The following DPH6 variants were observed in gnomAD, a reference collection of about 807,000 sequenced individuals.
DPH6 encodes diphthine--ammonia ligase.
In DPH6, 33 loss-of-function variants were observed where a neutral mutation model predicts 38.2. The ratio of observed to expected loss-of-function variants is 0.86; its 90% CI spans 0.65 to 1.15. The LOEUF (loss-of-function observed/expected upper bound fraction) is 1.15, where lower values mean the gene tolerates loss of function less well. Ranked by LOEUF, DPH6 falls within the 50% of genes most tolerant of loss-of-function variation. DPH6 has a pLI of 0.00. For missense variants in DPH6, 325 were observed against 320.0 expected, an observed-to-expected ratio of 1.02 and a Z score of -0.12; for synonymous variants, 108 against 103.0, an observed-to-expected ratio of 1.05 and a Z score of -0.30.
chr15:35,243,066 A>G lies in DPH6; in HGVS notation n.201-22484T>C, dbSNP rs1427922790. ...TAGGCACTCTCTAATTAGATGTCCT[A>G]GGTCCTCCCAATTCTTAGTCCTTTT... is the stretch of plus-strand genomic sequence containing the variant. On this transcript the variant is annotated intron_variant and non_coding_transcript_variant, in intron 3 of 3. Transcript: ENST00000560386. 6.3e-5 allele frequency among the ~76,000 whole-genome samples: 9 copies of G among 142,590 alleles called. 1 individual carries two copies. The highest frequency in any genetic ancestry group is 1.5e-4 in the Admixed American group (2 of 13,124). The allele number at this position is 142,590 out of a possible 152,430, so 93.5% of individuals were successfully genotyped here.
At position 35,412,161 on chromosome 15, in the gene DPH6, G is replaced by T. The variant is rs191198088; in HGVS notation, c.506-1265C>A. On this transcript the variant is annotated intron_variant, in intron 5 of 8. Transcript: ENST00000256538. ...AAGAACTCTTAAAACTCAACAATAAGCAAACAACAATCCAATTTAAAAATG... is the reference window on the plus strand; with the variant it reads ...AAGAACTCTTAAAACTCAACAATAATCAAACAACAATCCAATTTAAAAATG... Among the ~76,000 whole-genome samples, 51 of 151,612 alleles carry T rather than the reference G, an allele frequency of 3.4e-4. 1 individual carries two copies. In the East Asian group the frequency reaches 7.2e-3, roughly 21 times the overall value.
intron 5 of DPH6, 65 bp downstream of exon 5, chr15:35,450,620 C>T (rs935976477): frequency 1.6e-6 from 2 of 1,283,516 alleles, no homozygotes; most frequent in Non-Finnish European, 2.2e-6. Flanking sequence ...ATTTTAACTA[C>T]TTATTAGTGA....
intron 6 of DPH6, among the ~76,000 whole-genome samples, chr15:35,391,915 A>T (rs2053064684): frequency 1.3e-5 from 2 of 152,084 alleles, no homozygotes; most frequent in South Asian, 4.2e-4. Flanking sequence ...TGCAGAAATC[A>T]CCCGTCTTCT....
At chr15:35,521,256 TTGAA>T in intron 3 of DPH6, 1 of 986,074 alleles carries the variant, frequency 1.0e-6, no homozygotes, top group South Asian at 4.7e-5. Context: ...CACAGGTACA[TTGAA>T]TGCATGTAAA....
rs139276134 is a variant in DPH6 at position 35,542,288 on chromosome 15, C to T, written c.118+125G>A. ...CTAAGTTCTAGGTGGAAACTAGCATCTAATGGGTGCTTAATATTTATTGGT... is the reference window on the plus strand; with the variant it reads ...CTAAGTTCTAGGTGGAAACTAGCATTTAATGGGTGCTTAATATTTATTGGT... On this transcript the variant is annotated intron_variant, in intron 2 of 8. Transcript: ENST00000256538. The T allele has an allele frequency of 1.1e-3, 821 of 729,940 alleles. 6 individuals carry two copies. The African/African-American group carries it at 0.013, about 11-fold the overall frequency. The allele number at this position is 729,940 out of a possible 1,614,324, so 45.2% of individuals were successfully genotyped here.
intron 3 of DPH6, among the ~76,000 whole-genome samples, chr15:35,500,947 G>C (rs2141195392): frequency 6.6e-6 from 1 of 152,192 alleles, no homozygotes; most frequent in Non-Finnish European, 1.5e-5. Flanking sequence ...CACCATGTTG[G>C]CTAGGCTGGT....
the DPH6 span, among the ~76,000 whole-genome samples, chr15:35,183,126 T>A: frequency 2.2e-3 from 342 of 152,332 alleles, 2 homozygotes; most frequent in Admixed American, 4.9e-3. Flanking sequence ...CCTTTTAATT[T>A]TTAAACAGCT....
intron 3 of DPH6, among the ~76,000 whole-genome samples, chr15:35,502,008 C>G (rs1356011875): frequency 6.6e-6 from 1 of 152,120 alleles, no homozygotes; most frequent in Non-Finnish European, 1.5e-5. Flanking sequence ...AATTATGATG[C>G]TTTAGTTTTT....
the DPH6 span, among the ~76,000 whole-genome samples, chr15:35,206,998 A>G: frequency 6.6e-6 from 1 of 150,412 alleles, no homozygotes. Context: ...GAAACACAAG[A>G]TAATACTTAA....
At chr15:35,432,436 C>T (rs2053643969) in intron 5 of DPH6, among the ~76,000 whole-genome samples, 1 of 152,044 alleles carries the variant, frequency 6.6e-6, no homozygotes, top group Non-Finnish European at 1.5e-5. Context: ...GAAATTAACC[C>T]AATGAGCACA....
intron 3 of DPH6, among the ~76,000 whole-genome samples, chr15:35,507,286 A>AT (rs1472722134): frequency 6.6e-6 from 1 of 152,188 alleles, no homozygotes; most frequent in South Asian, 2.1e-4. Flanking sequence ...TGTTAAAAGT[A>AT]TTTTTTAAGC....
At chr15:35,431,583 G>A (rs917579431) in intron 5 of DPH6, among the ~76,000 whole-genome samples, 1 of 151,886 alleles carries the variant, frequency 6.6e-6, no homozygotes, top group South Asian at 2.1e-4. Context: ...AAATTAACTA[G>A]GTATACTTTC....
At chr15:35,434,068 T>C (rs1032326950) in intron 5 of DPH6, among the ~76,000 whole-genome samples, 15 of 152,134 alleles carry the variant, frequency 9.9e-5, no homozygotes, top group Non-Finnish European at 1.6e-4. Flanking sequence ...TTTATATCCA[T>C]CTCTACTATC....
intron 3 of DPH6, among the ~76,000 whole-genome samples, chr15:35,472,976 G>T (rs532800247): frequency 6.6e-6 from 1 of 151,506 alleles, no homozygotes; most frequent in African/African-American, 2.4e-5. Context: ...CACATGCAGG[G>T]TTAGTAATTG....
intron 3 of DPH6, among the ~76,000 whole-genome samples, chr15:35,491,548 T>TACACACACACACACACACAC (rs71309445): frequency 2.2e-5 from 3 of 137,696 alleles, no homozygotes; most frequent in African/African-American, 8.0e-5. Flanking sequence ...CCAATAGGTG[T>TACACACACACACACACACAC]ACACACACAC....
chr15:35,257,019 G>C (rs1371724795), intron 3 of DPH6, among the ~76,000 whole-genome samples: 2 of 152,098 alleles, frequency 1.3e-5, no homozygotes, highest in Non-Finnish European at 2.9e-5. Context: ...TAAGAATGGG[G>C]GTGATTTGAT....
At chr15:35,285,872 G>GTTTTTTTTTTTTTTTCTTTTTTT (rs2051939211) in intron 3 of DPH6, among the ~76,000 whole-genome samples, 1 of 52,794 alleles carries the variant, frequency 1.9e-5, no homozygotes, top group Non-Finnish European at 3.3e-5. Flanking sequence ...TTATCTTTGA[G>GTTTTTTTTTTTTTTTCTTTTTTT]TTTTTTTTTT....
Position 35,473,913 on chromosome 15 carries a change from A to AGTGTGTGTGTGT in DPH6, c.313-19105_313-19094dup, listed in dbSNP as rs58549209. ...AGGCAAGCGATAGAACACTGTGCACAGTGTGTGTGTGTGTGTGTGTGTGTG... is the reference window on the plus strand; with the variant it reads ...AGGCAAGCGATAGAACACTGTGCACAGTGTGTGTGTGTGTGTGTGTGTGTGTGTGTGTGTGTG... On this transcript the variant is annotated intron_variant, in intron 3 of 8. Coordinates refer to ENST00000256538, the MANE Select transcript of DPH6 (RefSeq NM_080650.4). Among the ~76,000 whole-genome samples the AGTGTGTGTGTGT allele has an allele frequency of 8.4e-4, 107 of 126,882 alleles. 1 individual carries two copies. Among genetic ancestry groups the AGTGTGTGTGTGT allele is most frequent in the African/African-American group, 2.6e-3 (101 of 38,144 alleles). 83.2% of individuals were successfully genotyped at this position (126,882 alleles called of 152,430 possible).
chr15:35,508,749 C>T (rs914041521), intron 3 of DPH6, among the ~76,000 whole-genome samples: 4 of 152,076 alleles, frequency 2.6e-5, no homozygotes, highest in African/African-American at 9.7e-5. Context: ...TAATATCATT[C>T]TGAGAAAAAT....
Sources: gnomAD v4.1 joint callset for allele counts (sites outside exome capture counted in the v4.1 genomes callset) on GRCh38, gnomAD v4.1.1 for gene constraint, MANE v1.5 for transcripts, NCBI Gene and HGNC (gene_info 2026-07-23, HGNC 2026-07-21) for gene names.